DMD: variants seen among roughly 807,000 people sequenced by gnomAD.
DMD encodes the protein mutant dystrophin.
A neutral mutation model predicts 330.1 loss-of-function variants in DMD; 63 were observed. The observed-to-expected ratio is 0.19, with a 90% CI of 0.16 to 0.24. DMD has a LOEUF of 0.24. Among genes scored for constraint, DMD ranks in the 10% least tolerant of loss-of-function variants. DMD has a pLI of 1.00. For missense variants in DMD, 3,344 were observed against 2,684.1 expected, an observed-to-expected ratio of 1.25 and a Z score of -5.43; for synonymous variants, 1,223 against 959.8, an observed-to-expected ratio of 1.27 and a Z score of -5.07.
chrX:31,657,969 T>C lies in DMD; in HGVS notation c.8027+21A>G, dbSNP rs184949918. 9.1e-5 allele frequency: 109 copies of C among 1,195,499 alleles called. No individual in the cohort carries two copies. The African/African-American group carries it at 1.8e-3, about 19-fold the overall frequency. ...CCATTATTACAGCCAACAGTAGTTT[T>C]AGAAATAATGTAATTCATACCTTTT... On this transcript the variant is annotated intron_variant, in intron 54 of 78. Coordinates refer to ENST00000357033, the MANE Select transcript of DMD (RefSeq NM_004006.3).
At chrX:31,544,384 T>C (rs1013856444) in intron 55 of DMD, among the ~76,000 whole-genome samples, 1 of 109,268 alleles carries the variant, frequency 9.2e-6, no homozygotes, top group Admixed American at 9.8e-5. Context: ...TATGGCAGCT[T>C]GGTATTTGAG....
intron 17 of DMD, among the ~76,000 whole-genome samples, chrX:32,524,860 G>A (rs2046799435): frequency 8.9e-6 from 1 of 112,301 alleles, no homozygotes; most frequent in Non-Finnish European, 1.9e-5. Context: ...GAGTGATTAC[G>A]CTCGTTTTTT....
chrX:32,555,682 A>G (rs1199600262), intron 16 of DMD, among the ~76,000 whole-genome samples: 2 of 111,658 alleles, frequency 1.8e-5, no homozygotes, highest in African/African-American at 6.5e-5. Flanking sequence ...CCACGCACCT[A>G]CAACCATCTG....
At chrX:32,152,403 A>G (rs2096808722) in intron 44 of DMD, among the ~76,000 whole-genome samples, 1 of 111,732 alleles carries the variant, frequency 8.9e-6, no homozygotes, top group South Asian at 3.7e-4. Flanking sequence ...CCATCGGATC[A>G]TAGTGTTGGA....
At position 32,565,729 on chromosome X, in the gene DMD, G is replaced by A. The variant is rs1255068879; in HGVS notation, c.1965C>T (p.Val655=). 2 of 1,211,255 alleles carry A rather than the reference G, an allele frequency of 1.7e-6. No homozygotes were observed. The highest frequency in any genetic ancestry group is 3.0e-5 in the East Asian group (1 of 33,825). The change falls in exon 16 of 79, where the codon GTC becomes GTT. Residue 655 remains valine (V), a synonymous_variant. Transcript: ENST00000357033. The stretch of plus-strand genomic sequence containing the variant: ...GTGCTGTACTCTTTTCAAGTTTTTG[G>A]ACTAAATTATCCCAACACCGGGCAA... ...DNFARCWDNL[V]QKLEKSTAQI...
At chrX:31,411,061 C>A (rs2061625155) in intron 60 of DMD, among the ~76,000 whole-genome samples, 1 of 110,377 alleles carries the variant, frequency 9.1e-6, no homozygotes, top group Admixed American at 9.7e-5. Flanking sequence ...CCACTGCACC[C>A]AACCCCGATA....
At chrX:32,585,231 C>T (rs771914207) in intron 13 of DMD, among the ~76,000 whole-genome samples, 9 of 110,789 alleles carry the variant, frequency 8.1e-5, no homozygotes, top group East Asian at 5.7e-4. Context: ...TGGGTACATA[C>T]GCTTAGATAG....
chrX:32,149,463 TTTTACAG>T (rs1468323642), intron 44 of DMD, among the ~76,000 whole-genome samples: 1 of 112,156 alleles, frequency 8.9e-6, no homozygotes, highest in Non-Finnish European at 1.9e-5. Context: ...ATTGTGCTGA[TTTTACAG>T]ATGCAAAACT....
chrX:32,401,056 C>T (rs1483955379), intron 30 of DMD, among the ~76,000 whole-genome samples: 2 of 109,381 alleles, frequency 1.8e-5, no homozygotes, highest in Non-Finnish European at 3.8e-5. Context: ...CTGGAAACCA[C>T]CATTCTCAGC....
At chrX:32,606,075 GTTA>G (rs1464063122) in intron 12 of DMD, among the ~76,000 whole-genome samples, 2 of 110,154 alleles carry the variant, frequency 1.8e-5, no homozygotes, top group Non-Finnish European at 3.8e-5. Flanking sequence ...AAATGTACAA[GTTA>G]TTATTGACCA....
chrX:33,040,807 AAAAT>A (rs2094287143), intron 1 of DMD, among the ~76,000 whole-genome samples: 1 of 112,284 alleles, frequency 8.9e-6, no homozygotes, highest in Non-Finnish European at 1.9e-5. Flanking sequence ...AGACTTGCAA[AAAAT>A]AAATAAAACT....
intron 49 of DMD, among the ~76,000 whole-genome samples, chrX:31,836,072 C>A (rs2093189396): frequency 9.0e-6 from 1 of 111,622 alleles, no homozygotes; most frequent in South Asian, 3.8e-4. Flanking sequence ...TGAAAACTGA[C>A]CTGGCTTTCC....
At chrX:31,323,733 C>T (rs1303739947) in intron 61 of DMD, 75 bp from the exon 62 acceptor site, 11 of 927,762 alleles carry the variant, frequency 1.2e-5, no homozygotes, top group Non-Finnish European at 1.7e-5. Context: ...ACATTAATCT[C>T]CAGAATTACA....
intron 47 of DMD, among the ~76,000 whole-genome samples, chrX:31,918,231 C>T (rs143184563): frequency 8.9e-5 from 10 of 112,359 alleles, no homozygotes; most frequent in Middle Eastern, 4.6e-3. Flanking sequence ...TTTAGTTCCT[C>T]ACTAGACGCT....
intron 44 of DMD, among the ~76,000 whole-genome samples, chrX:31,986,352 G>A (rs2095508877): frequency 9.0e-6 from 1 of 111,226 alleles, no homozygotes; most frequent in South Asian, 3.8e-4. Context: ...AACATCAAAA[G>A]GTGTAAAACC....
intron 1 of DMD, among the ~76,000 whole-genome samples, chrX:33,187,714 T>C (rs922613410): frequency 8.9e-6 from 1 of 111,868 alleles, no homozygotes; most frequent in African/African-American, 3.2e-5. Flanking sequence ...CTGGGAGTGA[T>C]GATTTTGACT....
At chrX:32,838,223 T>A (rs1395444479) in intron 4 of DMD, among the ~76,000 whole-genome samples, 1 of 111,941 alleles carries the variant, frequency 8.9e-6, no homozygotes, top group African/African-American at 3.3e-5. Context: ...TAGTATTCTA[T>A]CACTGATTTT....
At chrX:31,693,808 C>A (rs1315302428) in intron 52 of DMD, among the ~76,000 whole-genome samples, 1 of 111,452 alleles carries the variant, frequency 9.0e-6, no homozygotes, top group East Asian at 2.8e-4. Flanking sequence ...TTTCTGTGTT[C>A]ATAAATTGGA....
At chrX:32,319,057 T>C (rs757353615) in intron 41 of DMD, among the ~76,000 whole-genome samples, 22 of 111,880 alleles carry the variant, frequency 2.0e-4, no homozygotes, top group Non-Finnish European at 3.4e-4. Context: ...GAAAATGTGT[T>C]AATGGCTTAT....
Sources: gnomAD v4.1 joint callset for allele counts (sites outside exome capture counted in the v4.1 genomes callset) on GRCh38, gnomAD v4.1.1 for gene constraint, MANE v1.5 for transcripts, NCBI Gene and HGNC (gene_info 2026-07-23, HGNC 2026-07-21) for gene names.